RPH3AL: variants seen among roughly 807,000 people sequenced by gnomAD.
RPH3AL encodes the protein rab effector Noc2.
Under a neutral mutation model 43.1 loss-of-function variants are expected in RPH3AL, and 38 were observed. That is an observed-to-expected ratio of 0.88 (90% confidence interval 0.68 to 1.15). The LOEUF is 1.15. RPH3AL is among the 50% of genes most tolerant of loss of function. The pLI is 0.00. For missense variants in RPH3AL, 462 were observed against 423.2 expected (o/e 1.09, Z -0.81); for synonymous variants, 189 against 176.3 (o/e 1.07, Z -0.57).
intron 6 of RPH3AL, among the ~76,000 whole-genome samples, chr17:267,739 G>A (rs1013003865): frequency 6.6e-6 from 1 of 152,168 alleles, no homozygotes; most frequent in South Asian, 2.1e-4. Context: ...AGTCATCACT[G>A]TCTCCCTGAC....
Position 314,581 on chromosome 17 carries a change from G to C in RPH3AL, c.351+4839C>G, listed in dbSNP as rs879213298. On this transcript the variant is annotated intron_variant, in intron 5 of 9. Transcript: ENST00000331302. The stretch of plus-strand genomic sequence containing the variant: ...TGTGCCCCACCTCCACTGACAGGCA[G>C]TCTCTGTGCTCCACCTCCACTGACC... Among the ~76,000 whole-genome samples, 5 of 127,828 alleles carry C rather than the reference G, an allele frequency of 3.9e-5. No homozygotes were observed. The Admixed American group carries it at 4.1e-4, about 10-fold the overall frequency. 83.9% of individuals were successfully genotyped at this position (127,828 alleles called of 152,430 possible).
intron 6 of RPH3AL, among the ~76,000 whole-genome samples, chr17:249,482 C>A (rs1011840638): frequency 3.3e-5 from 5 of 151,970 alleles, no homozygotes; most frequent in African/African-American, 9.7e-5. Context: ...AGAGGAGAGG[C>A]CCATGGGCAC....
At chr17:276,592 C>T (rs2042661159) in intron 6 of RPH3AL, among the ~76,000 whole-genome samples, 1 of 152,158 alleles carries the variant, frequency 6.6e-6, no homozygotes, top group Admixed American at 6.5e-5. Flanking sequence ...AAAGTCTTGC[C>T]ATATCTCCCA....
chr17:268,862 A>ATGATTTT (rs2042386605), intron 6 of RPH3AL, among the ~76,000 whole-genome samples: 1 of 151,356 alleles, frequency 6.6e-6, no homozygotes, highest in African/African-American at 2.4e-5. Flanking sequence ...CCAGGCCTGG[A>ATGATTTT]TGATTTTTTA....
intron 6 of RPH3AL, among the ~76,000 whole-genome samples, chr17:272,814 T>C (rs943713091): frequency 1.6e-4 from 24 of 151,166 alleles, no homozygotes; most frequent in Middle Eastern, 3.4e-3. Context: ...AGACCAACCC[T>C]GTGAAGCCAC....
intron 4 of RPH3AL, among the ~76,000 whole-genome samples, chr17:319,817 A>T (rs150881660): frequency 3.0e-4 from 42 of 139,548 alleles, no homozygotes; most frequent in African/African-American, 1.1e-3. Flanking sequence ...ACCTTCAATA[A>T]GGAAGAAAAT....
intron 5 of RPH3AL, among the ~76,000 whole-genome samples, chr17:285,649 C>T (rs534696300): frequency 2.3e-4 from 35 of 152,286 alleles, no homozygotes; most frequent in African/African-American, 7.7e-4. Context: ...TCAGGTACTC[C>T]GTGGCCTCAC....
intron 5 of RPH3AL, among the ~76,000 whole-genome samples, chr17:285,283 C>A (rs565569965): frequency 1.3e-5 from 2 of 152,178 alleles, no homozygotes; most frequent in Non-Finnish European, 2.9e-5. Context: ...AGAGGCCGCA[C>A]GGCACGGCGC....
Position 222,822 on chromosome 17 carries a change from C to A in RPH3AL, c.614-3086G>T, listed in dbSNP as rs925962875. Among the ~76,000 whole-genome samples the A allele has an allele frequency of 2.6e-5, 4 of 152,194 alleles. No homozygotes were observed. The South Asian group carries it at 8.3e-4, about 32-fold the overall frequency. ...CTGCAGAATCCTCCTTTTTCCATTTCTTCCTCTTGGTTTCCACAGTTGTCC... is the reference window on the plus strand; with the variant it reads ...CTGCAGAATCCTCCTTTTTCCATTTATTCCTCTTGGTTTCCACAGTTGTCC... On this transcript the variant is annotated intron_variant, in intron 7 of 9. Transcript: ENST00000331302.
intron 7 of RPH3AL, among the ~76,000 whole-genome samples, chr17:234,233 A>G (rs1356330744): frequency 1.3e-5 from 1 of 74,126 alleles, no homozygotes; most frequent in African/African-American, 6.7e-5. Context: ...TTCCCTGAGC[A>G]GGGAGCGGCT....
intron 5 of RPH3AL, among the ~76,000 whole-genome samples, chr17:307,471 G>C (rs1252362398): frequency 6.6e-6 from 1 of 152,106 alleles, no homozygotes; most frequent in African/African-American, 2.4e-5. Flanking sequence ...GCTCATCCCT[G>C]CCTTCTACTT....
Position 232,829 on chromosome 17 carries a change from CGTGTGTGTGTGTGTGTGTGTGT to C in RPH3AL, c.614-13115_614-13094del, listed in dbSNP as rs71143481. On this transcript the variant is annotated intron_variant, in intron 7 of 9. Transcript: ENST00000331302. ...CTTGTCTCTAAACAGTCCTTTCCGG[CGTGTGTGTGTGTGTGTGTGTGT>C]GTGTGTGTGTGTGTGTGTGTGTGTG... is the stretch of plus-strand genomic sequence containing the variant. Among the ~76,000 whole-genome samples the C allele has an allele frequency of 3.8e-3, 453 of 119,398 alleles. 7 individuals are homozygous for C. The highest frequency in any genetic ancestry group is 0.026 in the South Asian group (81 of 3,112). 78.3% of individuals were successfully genotyped at this position (119,398 alleles called of 152,430 possible).
Position 213,866 on chromosome 17 carries a change from TG to T in RPH3AL, c.933del (p.Ser312AlafsTer41), listed in dbSNP as rs2040727135. The T allele has an allele frequency of 6.2e-7, 1 of 1,613,414 alleles. No individual in the cohort carries two copies. The highest frequency in any genetic ancestry group is 1.3e-5 in the African/African-American group (1 of 74,912). On this transcript the variant is annotated frameshift_variant, in exon 10 of 10. Transcript: ENST00000331302. LOFTEE classifies it high-confidence loss of function. The stretch of plus-strand genomic sequence containing the variant: ...CACCAGACACCTCAGCCCAGGCAGC[TG>T]GAGGGGCCTGCTGGAGCTGCGTCAG... ...PAADAAPAGP[S>X]SCLG
intron 5 of RPH3AL, among the ~76,000 whole-genome samples, chr17:291,611 G>A (rs575577491): frequency 5.3e-4 from 80 of 152,288 alleles, no homozygotes; most frequent in Admixed American, 1.5e-3. Flanking sequence ...GAGCCTCCAC[G>A]TGTGTGTTTC....
Position 264,220 on chromosome 17 carries a change from G to A in RPH3AL, c.439-16935C>T, listed in dbSNP as rs200741446. On this transcript the variant is annotated intron_variant, in intron 6 of 9. Transcript: ENST00000331302. This position sits in a 1 kb window ranked among gnomAD's most constrained non-coding sequence, Gnocchi z 4.8. ...GAAATGCCATCTGTCACTCAAACCC[G>A]AATAGAACCACCCTACCTCAAAGTT... Among the ~76,000 whole-genome samples the A allele has an allele frequency of 3.9e-5, 6 of 152,186 alleles. 1 individual carries two copies. The East Asian group carries it at 9.6e-4, about 24-fold the overall frequency.
chr17:306,904 G>A (rs977769593), intron 5 of RPH3AL, among the ~76,000 whole-genome samples: 3 of 151,730 alleles, frequency 2.0e-5, no homozygotes, highest in African/African-American at 4.8e-5. Flanking sequence ...ACTCCCAGCT[G>A]CGCCCGATGC....
At chr17:349,889 G>A (rs1282165047) in intron 1 of RPH3AL, among the ~76,000 whole-genome samples, 2 of 152,084 alleles carry the variant, frequency 1.3e-5, no homozygotes, top group Non-Finnish European at 2.9e-5. Context: ...ATCCCATCGA[G>A]GGCCATCAGC....
chr17:352,359 T>C (rs1281881686), intron 1 of RPH3AL, among the ~76,000 whole-genome samples: 1 of 152,166 alleles, frequency 6.6e-6, no homozygotes, highest in Admixed American at 6.5e-5. Flanking sequence ...TCCATCTCTG[T>C]CCACTGGGGT....
intron 3 of RPH3AL, among the ~76,000 whole-genome samples, chr17:324,698 G>C (rs72806075): frequency 7.6e-6 from 1 of 130,754 alleles, no homozygotes; most frequent in South Asian, 2.4e-4. Context: ...TATCTAGCTA[G>C]CTAGCTATGT....
Sources: allele counts gnomAD v4.1 joint callset (sites outside exome capture counted in the v4.1 genomes callset), GRCh38; gene constraint gnomAD v4.1.1; non-coding constraint Gnocchi (gnomAD v3.1); transcripts MANE v1.5; gene names NCBI Gene and HGNC (gene_info 2026-07-23, HGNC 2026-07-21).